Variants in LARGE1 observed in about 807,000 individuals in gnomAD.
LARGE1 encodes the protein LARGE xylosyl- and glucuronyltransferase 1, also known as xylosyl- and glucuronyltransferase LARGE1.
LARGE1 carries 43 observed loss-of-function variants against 87.6 expected under a neutral mutation model. The ratio of observed to expected loss-of-function variants is 0.49; its 90% CI spans 0.38 to 0.63. LARGE1 has a LOEUF of 0.63. LARGE1 is among the 30% of genes least tolerant of loss of function. The pLI is 0.00. For missense variants in LARGE1, 802 were observed against 1,000.2 expected (o/e 0.80, Z 2.67); for synonymous variants, 434 against 394.6 (o/e 1.10, Z -1.18).
chr22:33,852,706 A>C (rs1043464896), intron 1 of LARGE1, among the ~76,000 whole-genome samples: 7 of 151,736 alleles, frequency 4.6e-5, no homozygotes, highest in African/African-American at 1.7e-4. Flanking sequence ...TATACAAAAA[A>C]TAAGCCGGGC....
the LARGE1 span, among the ~76,000 whole-genome samples, chr22:33,143,425 A>T: frequency 6.6e-6 from 1 of 152,220 alleles, no homozygotes; most frequent in Non-Finnish European, 1.5e-5. Flanking sequence ...TCAAGCAGAT[A>T]TATCAGTAAT....
At chr22:33,238,346 A>G (rs1475315542) in intron 11 of LARGE1, among the ~76,000 whole-genome samples, 1 of 152,254 alleles carries the variant, frequency 6.6e-6, no homozygotes, top group Non-Finnish European at 1.5e-5. Context: ...GTAAGTGGCT[A>G]GCCAGAGAAC....
At chr22:33,207,571 G>A (rs1373684043) in intron 11 of LARGE1, among the ~76,000 whole-genome samples, 2 of 152,166 alleles carry the variant, frequency 1.3e-5, no homozygotes, top group African/African-American at 4.8e-5. Flanking sequence ...AGACAAGCTC[G>A]ATACTGGCTG....
rs2065388288 is a variant in LARGE1, at chr22:33,387,999, G to T, written c.893-3695C>A. ...CCCAGGGGTCTGTGTTTTATTCCTA[G>T]GCTTGTTTTTATATTTTTATCCTCT... On this transcript the variant is annotated intron_variant, in intron 7 of 14. Coordinates refer to ENST00000397394, the MANE Select transcript of LARGE1 (RefSeq NM_133642.5). Among the ~76,000 whole-genome samples the T allele has an allele frequency of 1.3e-5, 2 of 152,104 alleles. 1 individual carries two copies. Among genetic ancestry groups the T allele is most frequent in the South Asian group, 4.2e-4 (2 of 4,814 alleles).
intron 1 of LARGE1, among the ~76,000 whole-genome samples, chr22:33,764,265 G>A (rs2084829352): frequency 6.6e-6 from 1 of 152,008 alleles, no homozygotes; most frequent in South Asian, 2.1e-4. Context: ...AAACCTGAAG[G>A]ATCCACCTAC....
chr22:33,617,024 G>T (rs1414246212), intron 4 of LARGE1, among the ~76,000 whole-genome samples: 1 of 152,206 alleles, frequency 6.6e-6, no homozygotes, highest in Admixed American at 6.5e-5. Flanking sequence ...CTGTGTATTT[G>T]GGAGAGGGAA....
chr22:33,896,117 C>A (rs1305096661), intron 1 of LARGE1, among the ~76,000 whole-genome samples: 6 of 152,190 alleles, frequency 3.9e-5, no homozygotes, highest in Admixed American at 3.9e-4. Flanking sequence ...TCCCTGGAAA[C>A]CACCATTTTA....
At chr22:33,096,882 A>T in the LARGE1 span, among the ~76,000 whole-genome samples, 1 of 152,068 alleles carries the variant, frequency 6.6e-6, no homozygotes, top group African/African-American at 2.4e-5. Flanking sequence ...AGCATTTTTA[A>T]AGTATCTGGG....
chr22:33,746,947 C>T (rs865994390), intron 2 of LARGE1, among the ~76,000 whole-genome samples: 1 of 152,116 alleles, frequency 6.6e-6, no homozygotes, highest in Non-Finnish European at 1.5e-5. Flanking sequence ...AATACAGACA[C>T]CTGGGCACCT....
At chr22:33,762,213 C>CAAAAAAAAAAAAAAAAA (rs56832457) in intron 1 of LARGE1, among the ~76,000 whole-genome samples, 2 of 84,478 alleles carry the variant, frequency 2.4e-5, no homozygotes, top group Admixed American at 1.2e-4. Flanking sequence ...GATTCTATCT[C>CAAAAAAAAAAAAAAAAA]AAAAAAAAAA....
At chr22:33,785,078 CATACATATGTGTAT>C (rs1428918875) in intron 1 of LARGE1, among the ~76,000 whole-genome samples, 3 of 125,464 alleles carry the variant, frequency 2.4e-5, no homozygotes, top group Non-Finnish European at 5.1e-5. Flanking sequence ...TATGTGTATA[CATACATATGTGTAT>C]ATACATGTGT....
At chr22:33,381,191 A>G (rs1445093726) in intron 9 of LARGE1, among the ~76,000 whole-genome samples, 2 of 152,214 alleles carry the variant, frequency 1.3e-5, no homozygotes, top group Non-Finnish European at 2.9e-5. Context: ...ACTCTGTTAA[A>G]CCAGTAAAAA....
chr22:33,515,129 A>AAT (rs1555942284), intron 6 of LARGE1, among the ~76,000 whole-genome samples: 175 of 152,166 alleles, frequency 1.2e-3, no homozygotes, highest in African/African-American at 4.1e-3. Flanking sequence ...AAAAAAAAAA[A>AAT]AAATAAAAAA....
Position 33,272,751 on chromosome 22 carries a change from G to C in LARGE1, c.*1676C>G, listed in dbSNP as rs890605576. 1.3e-5 allele frequency: 2 copies of C among 152,092 alleles called. No individual in the cohort carries two copies. Among genetic ancestry groups the C allele is most frequent in the African/African-American group, 4.8e-5 (2 of 41,418 alleles). 9.4% of individuals were successfully genotyped at this position (152,092 alleles called of 1,614,324 possible). On this transcript the variant is annotated 3_prime_UTR_variant, in exon 15 of 15. Transcript: ENST00000397394. Reference sequence around the variant, plus strand: ...ATCTCACAAACCGGATTGCTATAGGGTCCCACATGACTACCAGGCCCAAGG... The same window carrying C: ...ATCTCACAAACCGGATTGCTATAGGCTCCCACATGACTACCAGGCCCAAGG...
rs184020291 is a variant in LARGE1 at position 33,563,308 on chromosome 22, C to T, written c.787+1540G>A. ...TTAGGAGCTCCTCCGTGACACCTTC[C>T]CAGCTACCTTCTCTAACCCCCTCTA... On this transcript the variant is annotated intron_variant, in intron 6 of 14. Transcript: ENST00000397394. 2.0e-5 allele frequency: 3 copies of T among 152,352 alleles called. No homozygotes were observed. The East Asian group carries it at 5.8e-4, about 29-fold the overall frequency. 9.4% of individuals were successfully genotyped at this position (152,352 alleles called of 1,614,324 possible).
intron 1 of LARGE1, among the ~76,000 whole-genome samples, chr22:33,784,925 AT>A (rs2085554215): frequency 6.6e-6 from 1 of 151,302 alleles, no homozygotes; most frequent in Non-Finnish European, 1.5e-5. Flanking sequence ...GTGTATATAC[AT>A]ATATGTATAT....
intron 1 of LARGE1, among the ~76,000 whole-genome samples, chr22:33,895,352 A>G (rs2065111922): frequency 6.6e-6 from 1 of 152,216 alleles, no homozygotes; most frequent in Admixed American, 6.5e-5. Context: ...GGGAGGCTAC[A>G]TATTAGTTAT....
chr22:33,115,686 C>T, the LARGE1 span, among the ~76,000 whole-genome samples: 230 of 151,966 alleles, frequency 1.5e-3, 1 homozygote, highest in Middle Eastern at 6.8e-3. Flanking sequence ...GGCATGGTGG[C>T]ACACACCTGT....
chr22:33,867,774 T>C (rs188386832), intron 1 of LARGE1, among the ~76,000 whole-genome samples: 25 of 152,282 alleles, frequency 1.6e-4, no homozygotes, highest in African/African-American at 5.3e-4. Context: ...TAGTGCATGC[T>C]TCACAACGTT....
Sources: allele counts gnomAD v4.1 joint callset (sites outside exome capture counted in the v4.1 genomes callset), GRCh38; gene constraint gnomAD v4.1.1; transcripts MANE v1.5; gene names NCBI Gene and HGNC (gene_info 2026-07-23, HGNC 2026-07-21).